The following ST6GALNAC1 variants were observed in gnomAD, a reference collection of about 807,000 sequenced individuals.
ST6GALNAC1 encodes the protein ST6 N-acetylgalactosaminide alpha-2,6-sialyltransferase 1, also known as alpha-N-acetylgalactosaminide alpha-2,6-sialyltransferase 1.
A neutral mutation model predicts 56.8 loss-of-function variants in ST6GALNAC1; 45 were observed. The observed-to-expected ratio is 0.79, with a 90% CI of 0.62 to 1.02. The LOEUF is 1.02. Ranked by LOEUF, ST6GALNAC1 falls within the 50% of genes least tolerant of loss-of-function variation. The probability of loss-of-function intolerance (pLI) is 0.00; values close to 1 mark genes in which losing one functional copy is unlikely to be tolerated. For synonymous variants in ST6GALNAC1, 295 were observed against 297.8 expected, an observed-to-expected ratio of 0.99 and a Z score of 0.10; for missense variants, 743 against 754.8, an observed-to-expected ratio of 0.98 and a Z score of 0.18.
chr17:76,623,655 A>G (rs923259888), downstream of ST6GALNAC1, among the ~76,000 whole-genome samples: 3 of 152,168 alleles, frequency 2.0e-5, no homozygotes, highest in Admixed American at 6.5e-5. Context: ...TGCCAATCTT[A>G]TATCCTGCTA....
intron 1 of ST6GALNAC1, chr17:76,637,355 A>T: frequency 5.1e-6 from 1 of 196,636 alleles, no homozygotes. Context: ...GTGAATTAAA[A>T]AAAAAAAAAA....
At chr17:76,632,274 T>C (rs975324327) in intron 1 of ST6GALNAC1, among the ~76,000 whole-genome samples, 4 of 152,146 alleles carry the variant, frequency 2.6e-5, no homozygotes, top group Non-Finnish European at 5.9e-5. Context: ...AACATTTTCA[T>C]GGATGTAGCT....
At chr17:76,617,763 T>C in the ST6GALNAC1 span, among the ~76,000 whole-genome samples, 4 of 149,564 alleles carry the variant, frequency 2.7e-5, no homozygotes, top group Non-Finnish European at 5.9e-5. Flanking sequence ...AGAGCAAGAC[T>C]CTGTCTCAAA....
downstream of ST6GALNAC1, among the ~76,000 whole-genome samples, chr17:76,621,545 G>A (rs978795084): frequency 2.6e-5 from 4 of 151,716 alleles, no homozygotes; most frequent in African/African-American, 4.8e-5. Context: ...GCATGATCTC[G>A]GCTCAGTGCA....
At chr17:76,618,553 G>A in the ST6GALNAC1 span, among the ~76,000 whole-genome samples, 3 of 152,038 alleles carry the variant, frequency 2.0e-5, no homozygotes, top group Non-Finnish European at 4.4e-5. Context: ...TGAGATGGGT[G>A]GATCACTTGA....
At chr17:76,621,284 G>A (rs1336807036), downstream of ST6GALNAC1, among the ~76,000 whole-genome samples, 3 of 144,984 alleles carry the variant, frequency 2.1e-5, no homozygotes, top group African/African-American at 7.6e-5. Context: ...TTGGGTTCAA[G>A]CAATTCTCCT....
the ST6GALNAC1 span, among the ~76,000 whole-genome samples, chr17:76,618,272 A>C: frequency 1.7e-3 from 262 of 152,306 alleles, 2 homozygotes; most frequent in African/African-American, 6.1e-3. Context: ...AAGCAGATAC[A>C]GCTAGGAGGG....
Position 76,627,009 on chromosome 17 carries a change from G to A in ST6GALNAC1, c.1172+58C>T. 6.7e-7 allele frequency: 1 copy of A among 1,502,338 alleles called. No individual in the cohort carries two copies. The allele number at this position is 1,502,338 out of a possible 1,614,324, so 93.1% of individuals were successfully genotyped here. A position where few individuals can be genotyped will look rare whatever the true frequency, so the allele number is the denominator to read the frequency against. On this transcript the variant is annotated intron_variant, in intron 4 of 8. Coordinates refer to ENST00000156626, the MANE Select transcript of ST6GALNAC1 (RefSeq NM_018414.5). The surrounding 1 kb of genome is among the most constrained non-coding windows in gnomAD (Gnocchi z 4.4). ...AAGAGGGGCAAGAGAGGGGCTGGAGGGGGGCTGGAGGGGGCAGGAGAGGGG... is the reference window on the plus strand; with the variant it reads ...AAGAGGGGCAAGAGAGGGGCTGGAGAGGGGCTGGAGGGGGCAGGAGAGGGG...
Position 76,625,037 on chromosome 17 carries a change from T to G in ST6GALNAC1, c.*293A>C, listed in dbSNP as rs1422636461. On this transcript the variant is annotated 3_prime_UTR_variant, in exon 9 of 9. Transcript: ENST00000156626. ...CTCTTTTTTCTGTATCAAGAAGCTT[T>G]TGGACTGGAAGAGTGTTTTTCAGCA... 4 of 420,390 alleles carry G rather than the reference T, an allele frequency of 9.5e-6. No homozygotes were observed. Among genetic ancestry groups the G allele is most frequent in the African/African-American group, 6.0e-5 (3 of 49,890 alleles). 26.0% of individuals were successfully genotyped at this position (420,390 alleles called of 1,614,324 possible).
chr17:76,639,889 G>A (rs1025120031), intron 1 of ST6GALNAC1, among the ~76,000 whole-genome samples: 41 of 151,954 alleles, frequency 2.7e-4, no homozygotes, highest in African/African-American at 9.4e-4. Flanking sequence ...TTTTCAAGTC[G>A]TTAACTCCTC....
At chr17:76,632,380 T>C (rs2075915933) in intron 1 of ST6GALNAC1, among the ~76,000 whole-genome samples, 1 of 152,022 alleles carries the variant, frequency 6.6e-6, no homozygotes, top group African/African-American at 2.4e-5. Flanking sequence ...ACACATAGCA[T>C]GGACAGCTGG....
At chr17:76,634,656 G>GT (rs1255013809) in intron 1 of ST6GALNAC1, among the ~76,000 whole-genome samples, 4 of 147,982 alleles carry the variant, frequency 2.7e-5, no homozygotes, top group Non-Finnish European at 6.0e-5. Context: ...GGGGGTGGGG[G>GT]GTGGATCACC....
At position 76,625,505 on chromosome 17, in the gene ST6GALNAC1, G is replaced by C; in HGVS notation, c.1628C>G (p.Thr543Ser). Residue 543 changes from threonine to serine, a missense_variant, in exon 9 of 9, where the codon ACT becomes AGT. By Grantham distance (58) the Thr-to-Ser change is moderately conservative. Coordinates refer to ENST00000156626, the MANE Select transcript of ST6GALNAC1 (RefSeq NM_018414.5). ...ATCAGAAAAGCGCTCATGGCCCTCA[G>C]TGATGAAGCCATAAGCACTCACCTA... ...CDQVSAYGFITEGHERFSDHY... is the reference protein window; with the variant it reads ...CDQVSAYGFISEGHERFSDHY... The C allele has an allele frequency of 6.2e-7, 1 of 1,614,024 alleles. No individual in the cohort carries two copies. Among genetic ancestry groups the C allele is most frequent in the Non-Finnish European group, 8.5e-7 (1 of 1,180,038 alleles).
Position 76,625,276 on chromosome 17 carries a change from A to C in ST6GALNAC1, c.*54T>G. 6.3e-7 allele frequency: 1 copy of C among 1,578,002 alleles called. No homozygotes were observed. The highest frequency in any genetic ancestry group is 8.6e-7 in the Non-Finnish European group (1 of 1,159,068). On this transcript the variant is annotated 3_prime_UTR_variant, in exon 9 of 9. Transcript: ENST00000156626. ...ATGGCCAAAGAGTCTCAAGATTCCCACTGTATCCTGTGCCTTGGAGCAGGC... is the reference window on the plus strand; with the variant it reads ...ATGGCCAAAGAGTCTCAAGATTCCCCCTGTATCCTGTGCCTTGGAGCAGGC...
In ST6GALNAC1 at chr17:76,627,949, T is replaced by G. The variant is rs1176579073; in HGVS notation, c.832-366A>C. ...CGTCTCTACTAAAAATACAAAAAATTAGCCGGGCGTGGTGGCGGGCGCCTG... is the reference window on the plus strand; with the variant it reads ...CGTCTCTACTAAAAATACAAAAAATGAGCCGGGCGTGGTGGCGGGCGCCTG... On this transcript the variant is annotated intron_variant, in intron 2 of 8. Coordinates refer to ENST00000156626, the MANE Select transcript of ST6GALNAC1 (RefSeq NM_018414.5). This position sits in a 1 kb window ranked among gnomAD's most constrained non-coding sequence, Gnocchi z 4.4. Among the ~76,000 whole-genome samples the G allele has an allele frequency of 6.6e-6, 1 of 151,624 alleles. No homozygotes were observed. The highest frequency in any genetic ancestry group is 1.5e-5 in the Non-Finnish European group (1 of 67,904).
chr17:76,624,987 A>G lies in ST6GALNAC1; in HGVS notation c.*343T>C. On this transcript the variant is annotated 3_prime_UTR_variant, in exon 9 of 9. Transcript: ENST00000156626. ...AAACTCGATCTGGAATTCAAACCAG[A>G]TCTATATGTTTCTGTAAATCCAGGC... 1 of 320,562 alleles carries G rather than the reference A, an allele frequency of 3.1e-6. No homozygotes were observed. The allele number at this position is 320,562 out of a possible 1,614,324, so 19.9% of individuals were successfully genotyped here.
intron 1 of ST6GALNAC1, among the ~76,000 whole-genome samples, chr17:76,635,402 G>A (rs2075961863): frequency 6.6e-6 from 1 of 152,186 alleles, no homozygotes; most frequent in Non-Finnish European, 1.5e-5. Flanking sequence ...CACTTTGGGA[G>A]GCTGAAGCAG....
In ST6GALNAC1 at chr17:76,629,108, C is replaced by G; in HGVS notation, c.735G>C (p.Thr245=). ...PPPAPFQSPT[T]QRNQRLKAAN... ...CGGCCTTCAGTCTTTGGTTTCTCTG[C>G]GTCGTGGGGCTCTGGAAAGGGGCAG... is the stretch of plus-strand genomic sequence containing the variant. The change falls in exon 2 of 9, where the codon ACG becomes ACC. Residue 245 remains threonine, a synonymous_variant. Coordinates refer to ENST00000156626, the MANE Select transcript of ST6GALNAC1 (RefSeq NM_018414.5). The G allele has an allele frequency of 6.2e-7, 1 of 1,603,368 alleles. No individual in the cohort carries two copies. Among genetic ancestry groups the G allele is most frequent in the Non-Finnish European group, 8.5e-7 (1 of 1,173,680 alleles).
chr17:76,629,380 A>G lies in ST6GALNAC1; in HGVS notation c.463T>C (p.Ser155Pro). Residue 155 changes from serine (S) to proline (P), a missense_variant, in exon 2 of 9, where the codon TCA (serine) becomes CCA (proline). Coordinates refer to ENST00000156626, the MANE Select transcript of ST6GALNAC1 (RefSeq NM_018414.5). ...GMASGRTEAQ[S>P]WKSQDTKTTQ... ...GTCTTTGTGTCCTGGCTCTTCCATG[A>G]TTGTGCCTCTGTCCTGCCAGAGGCC... The G allele has an allele frequency of 6.2e-7, 1 of 1,613,896 alleles. No homozygotes were observed.
Sources: allele counts gnomAD v4.1 joint callset (sites outside exome capture counted in the v4.1 genomes callset), GRCh38; gene constraint gnomAD v4.1.1; non-coding constraint Gnocchi (gnomAD v3.1); transcripts MANE v1.5; gene names NCBI Gene and HGNC (gene_info 2026-07-23, HGNC 2026-07-21).